Variants in LIN7A observed in about 807,000 individuals in gnomAD.
The protein encoded by LIN7A is lin-7 cell polarity scaffold A, also known as protein lin-7 homolog A.
A neutral mutation model predicts 29.8 loss-of-function variants in LIN7A; 25 were observed. The ratio of observed to expected loss-of-function variants is 0.84; its 90% CI spans 0.61 to 1.17. The LOEUF is 1.17. Among genes scored for constraint, LIN7A ranks in the 50% most tolerant of loss-of-function variants. The pLI, the probability that LIN7A is intolerant of heterozygous loss-of-function variation, is 0.00. For missense variants in LIN7A, 239 were observed against 287.0 expected, an observed-to-expected ratio of 0.83 and a Z score of 1.21; for synonymous variants, 118 against 107.5, an observed-to-expected ratio of 1.10 and a Z score of -0.60.
rs774021971 is a variant in LIN7A, at chr12:80,936,629, T to G, written c.82+1012A>C. The G allele has an allele frequency of 3.3e-5, 5 of 152,534 alleles. No homozygotes were observed. The South Asian group carries it at 6.2e-4, about 19-fold the overall frequency. 9.4% of individuals were successfully genotyped at this position (152,534 alleles called of 1,614,324 possible). ...CGTAGGACTCGAGCGCCTTCATCACTGGACGCTGGAGCCAGGAAGGAAACC... is the reference window on the plus strand; with the variant it reads ...CGTAGGACTCGAGCGCCTTCATCACGGGACGCTGGAGCCAGGAAGGAAACC... On this transcript the variant is annotated intron_variant, in intron 1 of 5. Coordinates refer to ENST00000552864, the MANE Select transcript of LIN7A (RefSeq NM_004664.4).
intron 2 of LIN7A, 21 bp downstream of exon 2, chr12:80,889,230 A>G: frequency 7.8e-7 from 1 of 1,275,082 alleles, no homozygotes; most frequent in Middle Eastern, 1.8e-4. Context: ...GAATTTAGTT[A>G]TTAAAATTTT....
At chr12:80,806,547 C>A (rs77635127) in intron 5 of LIN7A, among the ~76,000 whole-genome samples, 15,288 of 152,178 alleles carry the variant, frequency 0.1, 826 homozygotes, top group East Asian at 0.18. Context: ...CATATTATTT[C>A]TAATTTCAGA....
chr12:80,920,890 G>A (rs929065033), intron 1 of LIN7A, among the ~76,000 whole-genome samples: 9 of 152,254 alleles, frequency 5.9e-5, no homozygotes, highest in African/African-American at 2.2e-4. Flanking sequence ...GCCAGATAAT[G>A]CTATCTAGTT....
Position 80,859,850 on chromosome 12 carries a change from C to T in LIN7A, c.202-11528G>A, listed in dbSNP as rs35014296. Among the ~76,000 whole-genome samples, 1,333 of 152,228 alleles carry T rather than the reference C, an allele frequency of 8.8e-3. 11 individuals carry two copies. Among genetic ancestry groups the T allele is most frequent in the Non-Finnish European group, 0.013 (910 of 67,992 alleles). ...CAACCACTATTAACAATCTATCATA[C>T]TTACTTTTAATGTTTATTAGTTTTT... On this transcript the variant is annotated intron_variant, in intron 2 of 5. Coordinates refer to ENST00000552864, the MANE Select transcript of LIN7A (RefSeq NM_004664.4).
chr12:80,828,124 A>G (rs940342039), intron 4 of LIN7A, among the ~76,000 whole-genome samples: 10 of 152,236 alleles, frequency 6.6e-5, no homozygotes, highest in Admixed American at 6.5e-4. Flanking sequence ...ATATCTTCAT[A>G]AAACATAGAA....
chr12:80,909,514 T>C (rs899527951), intron 1 of LIN7A, among the ~76,000 whole-genome samples: 1 of 152,086 alleles, frequency 6.6e-6, no homozygotes, highest in African/African-American at 2.4e-5. Context: ...ATGTCAAAGA[T>C]TAAGGTGCTG....
chr12:80,816,220 C>A (rs527914243), intron 4 of LIN7A, among the ~76,000 whole-genome samples: 1 of 152,230 alleles, frequency 6.6e-6, no homozygotes, highest in South Asian at 2.1e-4. Flanking sequence ...ATCTGAGCAA[C>A]ATGGCAAGAC....
chr12:80,880,788 GACAC>G (rs150440166), intron 2 of LIN7A, among the ~76,000 whole-genome samples: 1 of 122,444 alleles, frequency 8.2e-6, no homozygotes, highest in South Asian at 2.7e-4. Flanking sequence ...CACACACACA[GACAC>G]ACACACACAC....
intron 1 of LIN7A, among the ~76,000 whole-genome samples, chr12:80,909,051 C>T (rs181643873): frequency 1.2e-3 from 190 of 152,102 alleles, no homozygotes; most frequent in Non-Finnish European, 3.8e-4. Flanking sequence ...ACTAACTCAA[C>T]GCCTCAAAGA....
intron 2 of LIN7A, among the ~76,000 whole-genome samples, chr12:80,856,616 T>C (rs1209953519): frequency 6.6e-6 from 1 of 152,184 alleles, no homozygotes; most frequent in Non-Finnish European, 1.5e-5. Context: ...ATTACTTTCA[T>C]TGGTATTTTA....
At chr12:80,855,790 A>T (rs1204105786) in intron 2 of LIN7A, among the ~76,000 whole-genome samples, 3 of 152,144 alleles carry the variant, frequency 2.0e-5, no homozygotes, top group Non-Finnish European at 4.4e-5. Context: ...TAGAAATAGA[A>T]CTTAAGTCAC....
chr12:80,820,127 C>G (rs1484486428), intron 4 of LIN7A, among the ~76,000 whole-genome samples: 1 of 152,116 alleles, frequency 6.6e-6, no homozygotes, highest in Non-Finnish European at 1.5e-5. Context: ...TAAAACTGTT[C>G]CTCTCAGTCC....
chr12:80,872,613 T>C (rs2120506876), intron 2 of LIN7A, among the ~76,000 whole-genome samples: 1 of 152,348 alleles, frequency 6.6e-6, no homozygotes, highest in East Asian at 1.9e-4. Flanking sequence ...ATCTGGCTAT[T>C]TTAATTTTTA....
intron 1 of LIN7A, among the ~76,000 whole-genome samples, chr12:80,907,451 T>C (rs1361615871): frequency 6.6e-6 from 1 of 152,196 alleles, no homozygotes; most frequent in Non-Finnish European, 1.5e-5. Flanking sequence ...GAAAGAACAA[T>C]GGACTTGGAA....
At chr12:80,876,110 GAGAC>G (rs1874688413) in intron 2 of LIN7A, among the ~76,000 whole-genome samples, 1 of 150,844 alleles carries the variant, frequency 6.6e-6, no homozygotes, top group East Asian at 1.9e-4. Flanking sequence ...GACAGACAGA[GAGAC>G]AGAGAGAGAG....
chr12:80,824,694 G>A (rs1274860701), intron 4 of LIN7A, among the ~76,000 whole-genome samples: 2 of 152,178 alleles, frequency 1.3e-5, no homozygotes, highest in Non-Finnish European at 2.9e-5. Flanking sequence ...TATCAGGGAT[G>A]CAGGGATGGT....
intron 2 of LIN7A, among the ~76,000 whole-genome samples, chr12:80,856,974 G>T (rs548600242): frequency 3.3e-5 from 5 of 152,306 alleles, no homozygotes; most frequent in African/African-American, 1.2e-4. Flanking sequence ...TTTATTAGTT[G>T]CCCCAATATC....
At chr12:80,847,189 C>A (rs1004197845) in intron 3 of LIN7A, among the ~76,000 whole-genome samples, 12 of 152,170 alleles carry the variant, frequency 7.9e-5, no homozygotes, top group Admixed American at 5.2e-4. Flanking sequence ...GCTATTGCAA[C>A]ATTATGCTGC....
chr12:80,846,085 C>T, intron 3 of LIN7A, 146 bp from the exon 4 acceptor site: 1 of 691,434 alleles, frequency 1.4e-6, no homozygotes, highest in Non-Finnish European at 2.2e-6. Context: ...AAGCAGAGGA[C>T]TTTCTTCATT....
Sources: gnomAD v4.1 joint callset for allele counts (sites outside exome capture counted in the v4.1 genomes callset) on GRCh38, gnomAD v4.1.1 for gene constraint, MANE v1.5 for transcripts, NCBI Gene and HGNC (gene_info 2026-07-23, HGNC 2026-07-21) for gene names.